The following KDM5A variants were observed in gnomAD, a reference collection of about 807,000 sequenced individuals.
KDM5A encodes lysine-specific demethylase 5A.
KDM5A carries 42 observed loss-of-function variants against 193.5 expected under a neutral mutation model. That is an observed-to-expected ratio of 0.22 (90% confidence interval 0.17 to 0.28). The LOEUF (loss-of-function observed/expected upper bound fraction) is 0.28. Ranked by LOEUF, KDM5A falls within the 10% of genes least tolerant of loss-of-function variation. The pLI is 1.00. For missense variants in KDM5A, 1,692 were observed against 2,055.1 expected, an observed-to-expected ratio of 0.82 and a Z score of 3.42; for synonymous variants, 796 against 718.1, an observed-to-expected ratio of 1.11 and a Z score of -1.73.
At chr12:341,688 T>A (rs1169711739) in intron 10 of KDM5A, among the ~76,000 whole-genome samples, 1 of 151,966 alleles carries the variant, frequency 6.6e-6, no homozygotes, top group Non-Finnish European at 1.5e-5. Context: ...AATCACGAGG[T>A]CAGGAGCTCG....
intron 22 of KDM5A, among the ~76,000 whole-genome samples, chr12:308,746 A>G (rs545094922): frequency 2.0e-5 from 3 of 152,344 alleles, no homozygotes; most frequent in South Asian, 4.1e-4. Flanking sequence ...AGGCTCTCTA[A>G]TCAGAGAATA....
chr12:358,823 T>C (rs980481556), intron 5 of KDM5A, among the ~76,000 whole-genome samples: 3 of 151,790 alleles, frequency 2.0e-5, no homozygotes, highest in African/African-American at 7.3e-5. Context: ...AATACAAAAA[T>C]TAGCCACACA....
At chr12:348,006 T>C (rs561441804) in intron 10 of KDM5A, among the ~76,000 whole-genome samples, 2 of 152,106 alleles carry the variant, frequency 1.3e-5, no homozygotes, top group Non-Finnish European at 2.9e-5. Flanking sequence ...ATTTTTGCAA[T>C]CTATCCATCT....
At position 335,590 on chromosome 12, in the gene KDM5A, T is replaced by A. The variant is rs145645619; in HGVS notation, c.1309-1168A>T. 3.0e-3 allele frequency among the ~76,000 whole-genome samples: 449 copies of A among 152,098 alleles called. 2 individuals carry two copies. Among genetic ancestry groups the A allele is most frequent in the African/African-American group, 0.01 (431 of 41,488 alleles). On this transcript the variant is annotated intron_variant, in intron 10 of 27. Transcript: ENST00000399788. ...CATTATTGTGCTTACTGTTTAGAAG[T>A]TTCTATAATACAAGTTAAAAATAAA...
In KDM5A at chr12:384,146, G is replaced by T; in HGVS notation, c.251C>A (p.Thr84Asn). 3.1e-6 allele frequency: 5 copies of T among 1,590,504 alleles called. No individual in the cohort carries two copies. Among genetic ancestry groups the T allele is most frequent in the Non-Finnish European group, 4.3e-6 (5 of 1,158,646 alleles). ...VQRLNELEAM[T>N]RVRLDFLDQL... is the part of the protein sequence containing the mutation. ...ATCCAAGAAATCCAATCTCACTCTG[G>T]TCATTGCCTAAGATTATTAAAATAC... Residue 84 changes from threonine (T) to asparagine (N), a missense_variant, in exon 3 of 28, where the codon ACC becomes AAC. Physicochemically the swap from Thr to Asn is moderately conservative, Grantham distance 65. Around this residue, in one of 11 missense-constraint regions of KDM5A, gnomAD observed 120 missense variants for 172.0 expected, o/e 0.70. Transcript: ENST00000399788.
chr12:355,109 T>C (rs949120816), intron 7 of KDM5A, 49 bp downstream of exon 7: 7 of 1,172,094 alleles, frequency 6.0e-6, no homozygotes, highest in Admixed American at 1.7e-5. Context: ...AGTGCAAAAC[T>C]ATAATAAAAA....
In KDM5A at chr12:283,368, C is replaced by A. The variant is rs1306981179; in HGVS notation, c.*2088G>T. On this transcript the variant is annotated 3_prime_UTR_variant, in exon 28 of 28. Transcript: ENST00000399788. ...GTTACCTTGCAATATCCATTGAAATCTTCGATCATACACAAACTTACTTCA... is the reference window on the plus strand; with the variant it reads ...GTTACCTTGCAATATCCATTGAAATATTCGATCATACACAAACTTACTTCA... 1 of 232,518 alleles carries A rather than the reference C, an allele frequency of 4.3e-6. No homozygotes were observed. The highest frequency in any genetic ancestry group is 8.5e-6 in the Non-Finnish European group (1 of 117,436). The allele number at this position is 232,518 out of a possible 1,614,324, so 14.4% of individuals were successfully genotyped here.
In KDM5A at chr12:318,391, G is replaced by C. The variant is rs760471868; in HGVS notation, c.2612C>G (p.Ser871Cys). The change falls in exon 19 of 28, where the codon TCT (serine) becomes TGT (cysteine). Residue 871 changes from serine to cysteine, a missense_variant. Transcript: ENST00000399788. The part of the protein sequence containing the change: ...QEAMMDETPD[S>C]SKLQMLIDMG... ...ATCTATCAACATCTGGAGTTTGGAA[G>C]AATCTGGGGTTTCATCCATCATGGC... 1.2e-6 allele frequency: 2 copies of C among 1,614,028 alleles called. No homozygotes were observed. The highest frequency in any genetic ancestry group is 1.7e-6 in the Non-Finnish European group (2 of 1,180,014).
In KDM5A at chr12:322,548, T is replaced by G; in HGVS notation, c.2295A>C (p.Val765=). The G allele has an allele frequency of 6.2e-7, 1 of 1,612,754 alleles. No homozygotes were observed. Among genetic ancestry groups the G allele is most frequent in the Non-Finnish European group, 8.5e-7 (1 of 1,179,286 alleles). The change falls in exon 17 of 28, where the codon GTA becomes GTC. Residue 765 remains valine (V), a synonymous_variant. Transcript: ENST00000399788. ...NHKKDLIELR[V]MLEDAEDRKY... Reference sequence around the variant, plus strand: ...TCCTATCCTCAGCATCTTCCAGCATTACTCGCAATTCAATCAAATCTGTAA... The same window carrying G: ...TCCTATCCTCAGCATCTTCCAGCATGACTCGCAATTCAATCAAATCTGTAA...
chr12:364,544 GGGAGGCCGA>G (rs1565547405), intron 4 of KDM5A, among the ~76,000 whole-genome samples: 1 of 151,436 alleles, frequency 6.6e-6, no homozygotes, highest in Non-Finnish European at 1.5e-5. Context: ...CCAGCACTTT[GGGAGGCCGA>G]GGTGAGTGGA....
At chr12:384,285 G>A in intron 2 of KDM5A, 132 bp from the exon 3 acceptor site, 2 of 712,510 alleles carry the variant, frequency 2.8e-6, no homozygotes, top group East Asian at 2.7e-5. Context: ...CCACACAGCA[G>A]GAGGTGAGCA....
At chr12:322,976 G>GC in intron 16 of KDM5A, 106 bp downstream of exon 16, 1 of 1,429,044 alleles carries the variant, frequency 7.0e-7, no homozygotes, top group Non-Finnish European at 9.8e-7. Flanking sequence ...CTCATAGGAA[G>GC]CCTAGGATTT....
chr12:297,649 C>A (rs979362001), intron 24 of KDM5A, among the ~76,000 whole-genome samples: 5 of 152,174 alleles, frequency 3.3e-5, no homozygotes, highest in African/African-American at 1.2e-4. Context: ...AGAAAGCTTT[C>A]CAGACCCTGG....
Position 318,595 on chromosome 12 carries a change from G to A in KDM5A, c.2542-134C>T, listed in dbSNP as rs1943679178. On this transcript the variant is annotated intron_variant, in intron 18 of 27. Transcript: ENST00000399788. ...TCACCATCATAACACCAAATATTCA[G>A]ATATGACAGTTAAATTAATAAATAT... The A allele has an allele frequency of 4.6e-6, 3 of 653,724 alleles. No homozygotes were observed. In the African/African-American group the frequency reaches 5.5e-5, roughly 12 times the overall value. The allele number at this position is 653,724 out of a possible 1,614,324, so 40.5% of individuals were successfully genotyped here. A position where few individuals can be genotyped will look rare whatever the true frequency, so the allele number is the denominator to read the frequency against.
chr12:316,660 T>C (rs1302164056), intron 19 of KDM5A, among the ~76,000 whole-genome samples: 1 of 152,212 alleles, frequency 6.6e-6, no homozygotes, highest in Non-Finnish European at 1.5e-5. Context: ...TTTAGCTTTG[T>C]CCACTTAATA....
chr12:369,200 A>G (rs1944395143), intron 3 of KDM5A, among the ~76,000 whole-genome samples: 1 of 152,178 alleles, frequency 6.6e-6, no homozygotes, highest in African/African-American at 2.4e-5. Flanking sequence ...AAAATCATAC[A>G]GAGACAAAAA....
At chr12:295,295 GAAAAA>G (rs1565524278) in intron 26 of KDM5A, among the ~76,000 whole-genome samples, 4 of 145,786 alleles carry the variant, frequency 2.7e-5, no homozygotes, top group African/African-American at 1.0e-4. Flanking sequence ...GAAGAAAAAA[GAAAAA>G]GAAAGGAAAG....
At chr12:344,415 A>C (rs1032281832) in intron 10 of KDM5A, among the ~76,000 whole-genome samples, 7 of 152,192 alleles carry the variant, frequency 4.6e-5, no homozygotes, top group African/African-American at 1.4e-4. Context: ...AATACAGAGA[A>C]CACCACAAAA....
intron 3 of KDM5A, among the ~76,000 whole-genome samples, chr12:375,188 T>C (rs1944486931): frequency 1.3e-5 from 2 of 152,234 alleles, no homozygotes; most frequent in African/African-American, 4.8e-5. Flanking sequence ...CTTGGTTCCA[T>C]TCTCCCCATC....
Sources: allele counts gnomAD v4.1 joint callset (sites outside exome capture counted in the v4.1 genomes callset), GRCh38; gene constraint gnomAD v4.1.1; regional missense constraint gnomAD v4.1.1; transcripts MANE v1.5; gene names NCBI Gene and HGNC (gene_info 2026-07-23, HGNC 2026-07-21).